UHRF1: variants seen among roughly 807,000 people sequenced by gnomAD.
UHRF1 encodes the protein ubiquitin like with PHD and ring finger domains 1, also known as E3 ubiquitin-protein ligase UHRF1.
In UHRF1, 9 loss-of-function variants were observed where a neutral mutation model predicts 96.5. That is an observed-to-expected ratio of 0.09 (90% CI 0.06 to 0.16). The LOEUF (loss-of-function observed/expected upper bound fraction) is 0.16, where lower values mean the gene tolerates loss of function less well. Ranked by LOEUF, UHRF1 falls within the 10% of genes least tolerant of loss-of-function variation. The pLI is 1.00. For missense variants in UHRF1, 626 were observed against 1,131.1 expected, an observed-to-expected ratio of 0.55 and a Z score of 6.40; for synonymous variants, 455 against 469.9, an observed-to-expected ratio of 0.97 and a Z score of 0.41.
chr19:4,940,951 G>A (rs2033375462), intron 5 of UHRF1, among the ~76,000 whole-genome samples: 3 of 151,750 alleles, frequency 2.0e-5, no homozygotes, highest in Admixed American at 2.0e-4. Flanking sequence ...GGAATTACAG[G>A]TCTGAGCTAC....
intron 7 of UHRF1, among the ~76,000 whole-genome samples, chr19:4,943,643 C>T (rs563246719): frequency 5.3e-5 from 8 of 152,000 alleles, no homozygotes; most frequent in African/African-American, 1.9e-4. Flanking sequence ...GGAAGGCCAA[C>T]AGAGAACCTG....
chr19:4,910,357 A>AGGGGGGGCCGGCAAGGC (rs2032213845), intron 1 of UHRF1: 1 of 45,036 alleles, frequency 2.2e-5, no homozygotes. Context: ...GCCGGCAAGG[A>AGGGGGGGCCGGCAAGGC]GGGGGGGCGT....
chr19:4,952,496 C>T (rs1054514298), intron 13 of UHRF1, among the ~76,000 whole-genome samples: 18 of 147,138 alleles, frequency 1.2e-4, no homozygotes, highest in African/African-American at 3.5e-4. Flanking sequence ...CAGGCTCAAG[C>T]GACTCTCTCA....
At chr19:4,904,073 T>C (rs1344750531) in intron 1 of UHRF1, among the ~76,000 whole-genome samples, 1 of 151,970 alleles carries the variant, frequency 6.6e-6, no homozygotes, top group Non-Finnish European at 1.5e-5. Context: ...GCCCCCTGGG[T>C]TCAAGCGATT....
At chr19:4,913,533 G>T (rs1387720338) in intron 2 of UHRF1, among the ~76,000 whole-genome samples, 2 of 152,060 alleles carry the variant, frequency 1.3e-5, no homozygotes, top group Non-Finnish European at 1.5e-5. Flanking sequence ...GGGATTACAG[G>T]TGTGAACCAC....
In UHRF1 at chr19:4,930,568, C is replaced by T. The variant is rs969656870; in HGVS notation, c.409-148C>T. On this transcript the variant is annotated intron_variant, in intron 3 of 16. Transcript: ENST00000650932. This position sits in a 1 kb window ranked among gnomAD's most constrained non-coding sequence, Gnocchi z 4.4. ...GCCGGGGCTGGTTTCTCATGGTCAG[C>T]GGTTCCCAGCCAGGGAGGAGAAACC... 23 of 1,004,310 alleles carry T rather than the reference C, an allele frequency of 2.3e-5. No homozygotes were observed. Among genetic ancestry groups the T allele is most frequent in the African/African-American group, 9.7e-5 (6 of 62,062 alleles). 62.2% of individuals were successfully genotyped at this position (1,004,310 alleles called of 1,614,324 possible). A position where few individuals can be genotyped will look rare whatever the true frequency, so the allele number is the denominator to read the frequency against.
chr19:4,922,081 G>C (rs2032720023), intron 2 of UHRF1, among the ~76,000 whole-genome samples: 1 of 152,124 alleles, frequency 6.6e-6, no homozygotes, highest in African/African-American at 2.4e-5. Context: ...TGAGTAGCTG[G>C]AATTACAGGC....
At chr19:4,948,771 C>T (rs1471699647) in intron 11 of UHRF1, among the ~76,000 whole-genome samples, 1 of 151,696 alleles carries the variant, frequency 6.6e-6, no homozygotes, top group Non-Finnish European at 1.5e-5. Flanking sequence ...TGCACTCTTG[C>T]ACTCTAGCCT....
chr19:4,932,615 A>G (rs574131530), intron 4 of UHRF1, 126 bp from the exon 5 acceptor site: 2 of 976,120 alleles, frequency 2.0e-6, no homozygotes, highest in East Asian at 2.6e-5. Context: ...CAACACCAGC[A>G]TATAAGCCTG....
At chr19:4,903,492 G>A (rs1036520179) in exon 1 of UHRF1, 2 of 151,304 alleles carry the variant, frequency 1.3e-5, no homozygotes, top group Admixed American at 6.6e-5. Context: ...ATTTTTTTTT[G>A]GTATTTTTAT....
In UHRF1 at chr19:4,914,121, C is replaced by T. The variant is rs537545202; in HGVS notation, c.153+3083C>T. Among the ~76,000 whole-genome samples the T allele has an allele frequency of 8.6e-5, 13 of 151,980 alleles. No homozygotes were observed. In the East Asian group the frequency reaches 1.6e-3, roughly 18 times the overall value. On this transcript the variant is annotated intron_variant, in intron 2 of 16. Transcript: ENST00000650932. Reference sequence around the variant, plus strand: ...GATTAGAGGTGTGAACCGTCGCATCCGGCCCCCATGCAGTAGCTTTTAAGA... The same window carrying T: ...GATTAGAGGTGTGAACCGTCGCATCTGGCCCCCATGCAGTAGCTTTTAAGA...
At chr19:4,948,652 A>G (rs1309063017) in intron 11 of UHRF1, among the ~76,000 whole-genome samples, 1 of 151,976 alleles carries the variant, frequency 6.6e-6, no homozygotes, top group Non-Finnish European at 1.5e-5. Flanking sequence ...AAATACAAAA[A>G]TTAGCTGGGT....
chr19:4,944,925 C>A (rs2145184826), intron 9 of UHRF1, among the ~76,000 whole-genome samples: 1 of 152,302 alleles, frequency 6.6e-6, no homozygotes, highest in East Asian at 1.9e-4. Flanking sequence ...TGAGCAGCAT[C>A]TCTGGCCCCC....
At chr19:4,942,282 T>C (rs1443658517) in intron 7 of UHRF1, among the ~76,000 whole-genome samples, 9 of 151,078 alleles carry the variant, frequency 6.0e-5, no homozygotes, top group Admixed American at 2.6e-4. Context: ...GCTCCGCCTC[T>C]CGGGTTCACG....
upstream of UHRF1, among the ~76,000 whole-genome samples, chr19:4,908,238 G>A (rs1344290864): frequency 3.3e-5 from 5 of 152,164 alleles, no homozygotes; most frequent in African/African-American, 9.7e-5. Context: ...GGGCGAGGAC[G>A]TGGGGGTCTA....
chr19:4,950,537 C>G, intron 11 of UHRF1, 74 bp from the exon 12 acceptor site: 1 of 1,511,526 alleles, frequency 6.6e-7, no homozygotes, highest in Non-Finnish European at 8.9e-7. Flanking sequence ...AGCCACCACT[C>G]CCGGCTCCTG....
chr19:4,941,084 TG>T (rs376432922), intron 5 of UHRF1, among the ~76,000 whole-genome samples: 4,032 of 63,010 alleles, frequency 0.064, 248 homozygotes, highest in African/African-American at 0.11. Flanking sequence ...TTCTGTGTTT[TG>T]TTTTTTTTTT....
At chr19:4,945,255 C>T (rs1031510211) in intron 9 of UHRF1, among the ~76,000 whole-genome samples, 1 of 152,206 alleles carries the variant, frequency 6.6e-6, no homozygotes, top group East Asian at 1.9e-4. Context: ...AGAACTCAGT[C>T]ACCCCCACTT....
chr19:4,939,753 A>T (rs528881608), intron 5 of UHRF1, among the ~76,000 whole-genome samples: 38 of 152,258 alleles, frequency 2.5e-4, no homozygotes, highest in Admixed American at 8.5e-4. Context: ...TGCCAGGCGC[A>T]GTGGCTCATG....
Sources: allele counts gnomAD v4.1 joint callset (sites outside exome capture counted in the v4.1 genomes callset), GRCh38; gene constraint gnomAD v4.1.1; non-coding constraint Gnocchi (gnomAD v3.1); transcripts MANE v1.5; gene names NCBI Gene and HGNC (gene_info 2026-07-23, HGNC 2026-07-21).